Variants in CDH12 observed in about 807,000 individuals in gnomAD.
The protein encoded by CDH12 is cadherin-12.
CDH12 carries 41 observed loss-of-function variants against 74.1 expected under a neutral mutation model. That is an observed-to-expected ratio of 0.55 (90% confidence interval 0.43 to 0.72). The LOEUF (loss-of-function observed/expected upper bound fraction) is 0.72. Ranked by LOEUF, CDH12 falls within the 30% of genes least tolerant of loss-of-function variation. The probability of loss-of-function intolerance (pLI) is 0.00; values close to 1 mark genes in which losing one functional copy is unlikely to be tolerated. For synonymous variants in CDH12, 399 were observed against 355.0 expected, an observed-to-expected ratio of 1.12 and a Z score of -1.39; for missense variants, 945 against 977.2, an observed-to-expected ratio of 0.97 and a Z score of 0.44.
At chr5:22,433,909 G>T (rs1190196965) in intron 2 of CDH12, among the ~76,000 whole-genome samples, 1 of 152,118 alleles carries the variant, frequency 6.6e-6, no homozygotes, top group African/African-American at 2.4e-5. Flanking sequence ...GAACCAAAAG[G>T]AATTTAGATA....
At position 21,783,369 on chromosome 5, in the gene CDH12, G is replaced by C; in HGVS notation, c.1382C>G (p.Ala461Gly). The C allele has an allele frequency of 1.2e-6, 2 of 1,612,460 alleles. No individual in the cohort carries two copies. The highest frequency in any genetic ancestry group is 2.2e-5 in the South Asian group (2 of 90,966). Residue 461 changes from alanine to glycine, a missense_variant, in exon 11 of 15, where the codon GCG becomes GGG. This residue lies in a region of CDH12 where 791 missense variants were observed against 792.8 expected (regional missense o/e 1.00). Coordinates refer to ENST00000382254, the MANE Select transcript of CDH12 (RefSeq NM_004061.5). ...CATGCCATACTTACTAACTTTACTCGCAATTATGGAGAAATTATACTGCGC... is the reference window on the plus strand; with the variant it reads ...CATGCCATACTTACTAACTTTACTCCCAATTATGGAGAAATTATACTGCGC... ...STAQYNFSII[A>G]SKVSNPLLTS...
intron 5 of CDH12, among the ~76,000 whole-genome samples, chr5:22,024,250 C>T (rs1338972627): frequency 6.6e-6 from 1 of 152,038 alleles, no homozygotes; most frequent in African/African-American, 2.4e-5. Flanking sequence ...CCTTTTTCTT[C>T]CAGAATGCTA....
At chr5:22,200,632 C>T (rs967960318) in intron 4 of CDH12, among the ~76,000 whole-genome samples, 2 of 152,130 alleles carry the variant, frequency 1.3e-5, no homozygotes, top group African/African-American at 2.4e-5. Flanking sequence ...TTGAACTAAT[C>T]TAATTGTTAC....
intron 4 of CDH12, among the ~76,000 whole-genome samples, chr5:22,138,376 CTA>C (rs935204897): frequency 2.3e-4 from 35 of 151,668 alleles, no homozygotes; most frequent in African/African-American, 8.0e-4. Flanking sequence ...AAGATTAAAA[CTA>C]TATTTAAAAC....
At chr5:22,396,019 A>G (rs545411933) in intron 3 of CDH12, among the ~76,000 whole-genome samples, 3 of 151,976 alleles carry the variant, frequency 2.0e-5, no homozygotes, top group African/African-American at 7.2e-5. Flanking sequence ...TCTTGGACTC[A>G]ATATTACAGA....
chr5:22,131,934 C>A (rs1746199556), intron 4 of CDH12, among the ~76,000 whole-genome samples: 1 of 152,028 alleles, frequency 6.6e-6, no homozygotes, highest in Admixed American at 6.6e-5. Context: ...CAGCAGTGGG[C>A]ATGATTAGGA....
At chr5:21,991,501 T>TTATA (rs199922394) in intron 5 of CDH12, among the ~76,000 whole-genome samples, 1 of 17,914 alleles carries the variant, frequency 5.6e-5, no homozygotes, top group African/African-American at 9.5e-5. Flanking sequence ...ATATATACAT[T>TTATA]TATATATATA....
At chr5:22,483,196 A>T (rs1432893521) in intron 2 of CDH12, among the ~76,000 whole-genome samples, 1 of 152,124 alleles carries the variant, frequency 6.6e-6, no homozygotes, top group East Asian at 1.9e-4. Context: ...TCATGTCAAA[A>T]TTTTTGCCAT....
At position 22,484,345 on chromosome 5, in the gene CDH12, C is replaced by T. The variant is rs187716092; in HGVS notation, c.-428+20925G>A. Among the ~76,000 whole-genome samples the T allele has an allele frequency of 2.1e-4, 32 of 152,202 alleles. No individual in the cohort carries two copies. The East Asian group carries it at 5.4e-3, about 26-fold the overall frequency. On this transcript the variant is annotated intron_variant, in intron 2 of 14. Coordinates refer to ENST00000382254, the MANE Select transcript of CDH12 (RefSeq NM_004061.5). Reference sequence around the variant, plus strand: ...GATGTGAGGTTTGCTTGGAAGACAACGATTTTGAGGGGAAGCAAAGTGGAG... The same window carrying T: ...GATGTGAGGTTTGCTTGGAAGACAATGATTTTGAGGGGAAGCAAAGTGGAG...
At chr5:22,794,543 C>A (rs548687075) in intron 1 of CDH12, among the ~76,000 whole-genome samples, 1 of 152,222 alleles carries the variant, frequency 6.6e-6, no homozygotes, top group South Asian at 2.1e-4. Context: ...GTAATGAGAC[C>A]AGCAAGGCCA....
At chr5:22,329,218 T>C (rs1739247316) in intron 3 of CDH12, among the ~76,000 whole-genome samples, 1 of 152,044 alleles carries the variant, frequency 6.6e-6, no homozygotes, top group South Asian at 2.1e-4. Context: ...CAAAACAAAC[T>C]AAAACAAAAC....
chr5:22,743,540 C>T (rs1056567449), intron 1 of CDH12, among the ~76,000 whole-genome samples: 2 of 151,900 alleles, frequency 1.3e-5, no homozygotes, highest in Non-Finnish European at 2.9e-5. Flanking sequence ...TTAGCATTCT[C>T]ATTTGTAAGA....
chr5:22,769,365 C>T (rs1003112490), intron 1 of CDH12, among the ~76,000 whole-genome samples: 2 of 152,072 alleles, frequency 1.3e-5, no homozygotes, highest in African/African-American at 4.8e-5. Flanking sequence ...ATGCTTCCTG[C>T]CCTTGGACAT....
chr5:22,332,914 C>G (rs2150446915), intron 3 of CDH12, among the ~76,000 whole-genome samples: 1 of 152,208 alleles, frequency 6.6e-6, no homozygotes, highest in Non-Finnish European at 1.5e-5. Context: ...TTGGTGATTC[C>G]TCAAGGATCT....
At chr5:21,801,236 T>C (rs1486985239) in intron 10 of CDH12, among the ~76,000 whole-genome samples, 1 of 152,246 alleles carries the variant, frequency 6.6e-6, no homozygotes, top group Non-Finnish European at 1.5e-5. Context: ...TGTCACATAG[T>C]GTAAAATCTT....
chr5:22,398,891 C>G (rs929388131), intron 3 of CDH12, among the ~76,000 whole-genome samples: 1 of 152,074 alleles, frequency 6.6e-6, no homozygotes, highest in Non-Finnish European at 1.5e-5. Flanking sequence ...TTTGGAGTTT[C>G]TCTACTGTGG....
intron 5 of CDH12, among the ~76,000 whole-genome samples, chr5:22,020,953 T>C (rs1335383289): frequency 6.6e-6 from 1 of 152,170 alleles, no homozygotes; most frequent in African/African-American, 2.4e-5. Flanking sequence ...GTGCTGTTTT[T>C]ATTACTATTT....
At chr5:22,278,904 G>A (rs1175387484) in intron 3 of CDH12, among the ~76,000 whole-genome samples, 1 of 152,084 alleles carries the variant, frequency 6.6e-6, no homozygotes, top group African/African-American at 2.4e-5. Flanking sequence ...CTCTTTGGAT[G>A]AATTCACAAG....
intron 3 of CDH12, among the ~76,000 whole-genome samples, chr5:22,363,687 AT>A (rs2126313043): frequency 6.6e-6 from 1 of 152,328 alleles, no homozygotes; most frequent in South Asian, 2.1e-4. Context: ...TTGTTTAAAT[AT>A]TCCTAAAGTG....
Sources: allele counts gnomAD v4.1 joint callset (sites outside exome capture counted in the v4.1 genomes callset), GRCh38; gene constraint gnomAD v4.1.1; regional missense constraint gnomAD v4.1.1; transcripts MANE v1.5; gene names NCBI Gene and HGNC (gene_info 2026-07-23, HGNC 2026-07-21).